Variants in STARD6 observed in about 807,000 individuals in gnomAD.
STARD6 encodes stAR-related lipid transfer protein 6.
In STARD6, 21 loss-of-function variants were observed where a neutral mutation model predicts 22.3. The observed-to-expected ratio is 0.94, with a 90% confidence interval of 0.67 to 1.35. The LOEUF (loss-of-function observed/expected upper bound fraction) is 1.35, where lower values mean the gene tolerates loss of function less well. Among genes scored for constraint, STARD6 ranks in the 40% most tolerant of loss-of-function variants. The pLI, the probability that STARD6 is intolerant of heterozygous loss-of-function variation, is 0.00. For synonymous variants in STARD6, 80 were observed against 88.1 expected, an observed-to-expected ratio of 0.91 and a Z score of 0.52; for missense variants, 269 against 266.9, an observed-to-expected ratio of 1.01 and a Z score of -0.05.
chr18:54,324,654 G>A lies in STARD6; in HGVS notation c.*38C>T. 6.3e-7 allele frequency: 1 copy of A among 1,598,430 alleles called. No individual in the cohort carries two copies. The highest frequency in any genetic ancestry group is 8.6e-7 in the Non-Finnish European group (1 of 1,169,124). On this transcript the variant is annotated 3_prime_UTR_variant, in exon 8 of 8. Coordinates refer to ENST00000307844, the MANE Select transcript of STARD6 (RefSeq NM_139171.2). The stretch of plus-strand genomic sequence containing the variant: ...GTAAACAGCAATAACTACTACACAT[G>A]ATTTTATAGCAGAACGGCCTCATTT...
intron 4 of STARD6, among the ~76,000 whole-genome samples, chr18:54,349,791 A>T (rs1043456711): frequency 6.6e-6 from 1 of 152,192 alleles, no homozygotes; most frequent in Non-Finnish European, 1.5e-5. Flanking sequence ...CACTTAGAAT[A>T]ATGGTCTCCA....
intron 5 of STARD6, among the ~76,000 whole-genome samples, chr18:54,333,951 A>T (rs147995101): frequency 1.1e-3 from 159 of 150,656 alleles, no homozygotes; most frequent in African/African-American, 3.8e-3. Context: ...CATCATTCAC[A>T]TTCTCATCTC....
At chr18:54,341,782 A>G (rs2088971452) in intron 4 of STARD6, among the ~76,000 whole-genome samples, 1 of 152,204 alleles carries the variant, frequency 6.6e-6, no homozygotes, top group Non-Finnish European at 1.5e-5. Flanking sequence ...GCTTAGAGGA[A>G]AATTTATAGT....
At chr18:54,356,954 C>G (rs576144807) in intron 1 of STARD6, 1 of 152,158 alleles carries the variant, frequency 6.6e-6, no homozygotes, top group Non-Finnish European at 1.5e-5. Flanking sequence ...TTATAGCTTC[C>G]GGACTTTTTC....
chr18:54,326,709 A>C (rs1212830424), intron 7 of STARD6, among the ~76,000 whole-genome samples: 1 of 151,026 alleles, frequency 6.6e-6, no homozygotes, highest in Non-Finnish European at 1.5e-5. Context: ...TAAATTTTTT[A>C]TATAAAAATA....
intron 4 of STARD6, 164 bp downstream of exon 4, chr18:54,353,890 G>T (rs1419229907): frequency 4.5e-6 from 2 of 439,594 alleles, no homozygotes; most frequent in East Asian, 7.7e-5. Context: ...GATGGTATCT[G>T]ATTGCTGTAT....
In STARD6 at chr18:54,337,161, T is replaced by A; in HGVS notation, c.231A>T (p.Ser77=). ...TGTGTACCATATTATACACTTGCAA[T>A]GATTTATCCCATGTAATTCTGTCTC... ...QTGDRITWDK[S]LQVYNMVHRI... The change falls in exon 5 of 8, where the codon TCA becomes TCT. Residue 77 remains serine (S), a synonymous_variant. Transcript: ENST00000307844. 1 of 1,613,234 alleles carries A rather than the reference T, an allele frequency of 6.2e-7. No homozygotes were observed. Among genetic ancestry groups the A allele is most frequent in the Non-Finnish European group, 8.5e-7 (1 of 1,179,556 alleles).
chr18:54,334,059 T>A (rs566833436), intron 5 of STARD6, among the ~76,000 whole-genome samples: 5 of 152,214 alleles, frequency 3.3e-5, no homozygotes, highest in Non-Finnish European at 7.3e-5. Flanking sequence ...CTATTTTAAG[T>A]ATGTAGTTCA....
chr18:54,337,002 A>C (rs1045290881), intron 5 of STARD6, 123 bp downstream of exon 5: 12 of 872,356 alleles, frequency 1.4e-5, no homozygotes, highest in African/African-American at 3.4e-5. Flanking sequence ...TTTTATAAAG[A>C]CTTCAAGTCA....
In STARD6 at chr18:54,344,500, A is replaced by G. The variant is rs1321875869; in HGVS notation, c.141-7249T>C. On this transcript the variant is annotated intron_variant, in intron 4 of 7. Coordinates refer to ENST00000307844, the MANE Select transcript of STARD6 (RefSeq NM_139171.2). ...CCTTTGTTCACTTGTTTATCTGCTG[A>G]CCTTCCCTCCACTATTGTCCCATGA... is the stretch of plus-strand genomic sequence containing the variant. Among the ~76,000 whole-genome samples the G allele has an allele frequency of 4.3e-3, 452 of 104,798 alleles. 8 individuals carry two copies. The highest frequency in any genetic ancestry group is 0.016 in the African/African-American group (404 of 25,070). The allele number at this position is 104,798 out of a possible 152,430, so 68.8% of individuals were successfully genotyped here. A position where few individuals can be genotyped will look rare whatever the true frequency, so the allele number is the denominator to read the frequency against.
Position 54,324,895 on chromosome 18 carries a change from T to TA in STARD6, c.480-21dup, listed in dbSNP as rs746999376. ...GGGTTTCTGTAAGCAAAAGAAGAGT[T>TA]AAAAAAAGATAAGAAATTTTTAGAT... On this transcript the variant is annotated intron_variant, in intron 7 of 7. Transcript: ENST00000307844. 4.1e-6 allele frequency: 6 copies of TA among 1,478,072 alleles called. No individual in the cohort carries two copies. Among genetic ancestry groups the TA allele is most frequent in the Non-Finnish European group, 5.4e-6 (6 of 1,119,244 alleles). The allele number at this position is 1,478,072 out of a possible 1,614,324, so 91.6% of individuals were successfully genotyped here.
intron 2 of STARD6, 40 bp from the exon 3 acceptor site, chr18:54,354,617 C>A (rs1261677186): frequency 2.9e-6 from 4 of 1,380,212 alleles, no homozygotes; most frequent in South Asian, 1.3e-5. Context: ...AGAATATAAC[C>A]ATATAAAAAC....
At chr18:54,352,154 T>G (rs2089104326) in intron 4 of STARD6, among the ~76,000 whole-genome samples, 1 of 152,022 alleles carries the variant, frequency 6.6e-6, no homozygotes, top group Non-Finnish European at 1.5e-5. Context: ...ATTTTCTATT[T>G]CTTCCTGATT....
intron 4 of STARD6, among the ~76,000 whole-genome samples, chr18:54,341,460 T>C (rs1488616047): frequency 6.6e-6 from 1 of 152,158 alleles, no homozygotes; most frequent in Non-Finnish European, 1.5e-5. Flanking sequence ...GGAACACTCC[T>C]AAAAATAGCA....
chr18:54,334,075 T>A (rs2088888623), intron 5 of STARD6, among the ~76,000 whole-genome samples: 1 of 152,214 alleles, frequency 6.6e-6, no homozygotes, highest in South Asian at 2.1e-4. Flanking sequence ...GTTCAATGAA[T>A]TTCCCAAAGG....
intron 4 of STARD6, among the ~76,000 whole-genome samples, chr18:54,351,059 A>G (rs956780496): frequency 5.9e-5 from 9 of 152,116 alleles, no homozygotes; most frequent in African/African-American, 1.9e-4. Context: ...TTGAATCTGT[A>G]GATTGTTTTG....
chr18:54,330,134 G>C (rs1308064421), intron 6 of STARD6, among the ~76,000 whole-genome samples: 8 of 151,884 alleles, frequency 5.3e-5, no homozygotes, highest in Non-Finnish European at 1.0e-4. Context: ...CTGTGCAACT[G>C]AATCCTGCTC....
chr18:54,330,483 C>T (rs546596026), intron 6 of STARD6, among the ~76,000 whole-genome samples: 113 of 152,110 alleles, frequency 7.4e-4, no homozygotes, highest in African/African-American at 2.6e-3. Context: ...TTCTGGGTTA[C>T]CTACTTATTA....
intron 1 of STARD6, among the ~76,000 whole-genome samples, chr18:54,356,702 A>T (rs2089147582): frequency 6.6e-6 from 1 of 152,242 alleles, no homozygotes; most frequent in Admixed American, 6.5e-5. Context: ...GAACGTGGAT[A>T]CAAAAATTTA....
Sources: allele counts gnomAD v4.1 joint callset (sites outside exome capture counted in the v4.1 genomes callset), GRCh38; gene constraint gnomAD v4.1.1; transcripts MANE v1.5; gene names NCBI Gene and HGNC (gene_info 2026-07-23, HGNC 2026-07-21).